The following TRPM6 variants were observed in gnomAD, a reference collection of about 807,000 sequenced individuals.
TRPM6 encodes the protein channel kinase 2.
TRPM6 carries 111 observed loss-of-function variants against 247.6 expected under a neutral mutation model. That is an observed-to-expected ratio of 0.45 (90% CI 0.38 to 0.52). The LOEUF (loss-of-function observed/expected upper bound fraction) is 0.52. Ranked by LOEUF, TRPM6 falls within the 20% of genes least tolerant of loss-of-function variation. The pLI, the probability that TRPM6 is intolerant of heterozygous loss-of-function variation, is 0.00. For synonymous variants in TRPM6, 892 were observed against 853.8 expected, an observed-to-expected ratio of 1.04 and a Z score of -0.78; for missense variants, 2,126 against 2,421.5, an observed-to-expected ratio of 0.88 and a Z score of 2.56.
intron 35 of TRPM6, 150 bp from the exon 36 acceptor site, chr9:74,738,762 G>A (rs1803751309): frequency 4.0e-6 from 3 of 752,270 alleles, no homozygotes; most frequent in Middle Eastern, 6.5e-4. Context: ...GAAGGGATAG[G>A]ATGCAAATAT....
At chr9:74,746,230 C>T (rs1442745959) in intron 31 of TRPM6, among the ~76,000 whole-genome samples, 1 of 147,314 alleles carries the variant, frequency 6.8e-6, no homozygotes, top group Non-Finnish European at 1.5e-5. Flanking sequence ...CAAAGTGAGA[C>T]TCCATCTCAA....
intron 1 of TRPM6, among the ~76,000 whole-genome samples, chr9:74,884,504 TATAC>T (rs4013871): frequency 0.039 from 5,756 of 148,056 alleles, 188 homozygotes; most frequent in African/African-American, 0.084. Context: ...TAAATACATA[TATAC>T]ATACATACAT....
At chr9:74,862,258 C>T (rs1336322562) in intron 1 of TRPM6, among the ~76,000 whole-genome samples, 1 of 152,144 alleles carries the variant, frequency 6.6e-6, no homozygotes, top group Admixed American at 6.5e-5. Context: ...CAACAGAGAA[C>T]CAAATGTTTG....
In TRPM6 at chr9:74,808,003, A is replaced by G. The variant is rs201920126; in HGVS notation, c.1638+31T>C. 10 of 1,613,204 alleles carry G rather than the reference A, an allele frequency of 6.2e-6. No individual in the cohort carries two copies. In the African/African-American group the frequency reaches 9.3e-5, roughly 15 times the overall value. ...AAACAACAATTCCTAATCATTCTCA[A>G]TTTTACTTGGGCACTTTTCAATTAC... is the stretch of plus-strand genomic sequence containing the variant. On this transcript the variant is annotated intron_variant, in intron 14 of 38. Coordinates refer to ENST00000360774, the MANE Select transcript of TRPM6 (RefSeq NM_017662.5).
rs566430125 is a variant in TRPM6, at chr9:74,854,163, C to G, written c.152+1364G>C. On this transcript the variant is annotated intron_variant, in intron 3 of 38. Transcript: ENST00000360774. ...ACTCGTATTAGGACATTTGGCTCTC[C>G]CTATCAAAAAAATAAAACTAGTCTC... Among the ~76,000 whole-genome samples the G allele has an allele frequency of 8.5e-5, 13 of 152,114 alleles. No individual in the cohort carries two copies. The South Asian group carries it at 2.7e-3, about 32-fold the overall frequency.
In TRPM6 at chr9:74,858,656, T is replaced by C; in HGVS notation, c.113+13A>G. ...TGTTGCTTTTAAAAGAAGAAGGTAA[T>C]TGAAAATTTTACCTGTGAGGATTTT... is the stretch of plus-strand genomic sequence containing the variant. On this transcript the variant is annotated intron_variant, in intron 2 of 38. Transcript: ENST00000360774. 1 of 1,590,106 alleles carries C rather than the reference T, an allele frequency of 6.3e-7. No homozygotes were observed. Among genetic ancestry groups the C allele is most frequent in the South Asian group, 1.1e-5 (1 of 89,974 alleles).
intron 2 of TRPM6, chr9:74,857,780 A>T (rs1830571850): frequency 6.6e-6 from 1 of 152,254 alleles, no homozygotes; most frequent in Non-Finnish European, 1.5e-5. Context: ...TTCCATAAAA[A>T]TAAAGTCTAT....
intron 14 of TRPM6, among the ~76,000 whole-genome samples, chr9:74,805,806 G>T (rs528549057): frequency 6.6e-6 from 1 of 152,142 alleles, no homozygotes; most frequent in African/African-American, 2.4e-5. Context: ...AAAAAAAAGT[G>T]CCTGCCTATT....
chr9:74,752,536 T>C (rs1826284979), intron 28 of TRPM6, among the ~76,000 whole-genome samples, 168 bp from the exon 29 acceptor site: 1 of 152,186 alleles, frequency 6.6e-6, no homozygotes. Context: ...CCTTTTTTTC[T>C]CAAGAGGTTG....
intron 7 of TRPM6, among the ~76,000 whole-genome samples, chr9:74,822,682 T>C (rs1229966653): frequency 6.6e-6 from 1 of 152,130 alleles, no homozygotes; most frequent in Non-Finnish European, 1.5e-5. Context: ...TATTACCTTT[T>C]TTTCTTGCAG....
intron 38 of TRPM6, among the ~76,000 whole-genome samples, chr9:74,725,018 G>C (rs1356700750): frequency 1.3e-5 from 2 of 152,198 alleles, no homozygotes; most frequent in African/African-American, 4.8e-5. Context: ...TGCCCTATAA[G>C]GCATAATCTG....
chr9:74,733,189 T>G (rs1431620311), intron 36 of TRPM6, among the ~76,000 whole-genome samples: 3 of 151,490 alleles, frequency 2.0e-5, no homozygotes, highest in Admixed American at 1.3e-4. Flanking sequence ...GCAACAGAGC[T>G]TAACTCTATC....
In TRPM6 at chr9:74,812,193, T is replaced by A. The variant is rs539154122; in HGVS notation, c.1443+106A>T. 4.3e-5 allele frequency: 63 copies of A among 1,469,366 alleles called. No individual in the cohort carries two copies. The East Asian group carries it at 1.4e-3, about 32-fold the overall frequency. 91.0% of individuals were successfully genotyped at this position (1,469,366 alleles called of 1,614,324 possible). A position where few individuals can be genotyped will look rare whatever the true frequency, so the allele number is the denominator to read the frequency against. ...TCAGATAATAGGGAAGTCCAGCTAC[T>A]TCTAATTTCCTCAGATAAGGAGTTT... On this transcript the variant is annotated intron_variant, in intron 12 of 38. Coordinates refer to ENST00000360774, the MANE Select transcript of TRPM6 (RefSeq NM_017662.5).
chr9:74,771,499 C>T (rs1827040028), intron 25 of TRPM6, among the ~76,000 whole-genome samples: 1 of 152,168 alleles, frequency 6.6e-6, no homozygotes, highest in Non-Finnish European at 1.5e-5. Flanking sequence ...ACCACTTATT[C>T]CTAGTAACTA....
chr9:74,741,115 A>G (rs1825850051), intron 33 of TRPM6, among the ~76,000 whole-genome samples: 1 of 152,110 alleles, frequency 6.6e-6, no homozygotes, highest in South Asian at 2.1e-4. Context: ...TACAAACTCA[A>G]TCCCACTTAA....
At chr9:74,854,662 T>C (rs1175544729) in intron 3 of TRPM6, among the ~76,000 whole-genome samples, 1 of 152,108 alleles carries the variant, frequency 6.6e-6, no homozygotes, top group East Asian at 1.9e-4. Flanking sequence ...CAATTTTTTA[T>C]TTTATTTTAT....
chr9:74,849,137 G>A (rs553654106), intron 3 of TRPM6, among the ~76,000 whole-genome samples: 1 of 152,268 alleles, frequency 6.6e-6, no homozygotes, highest in East Asian at 1.9e-4. Context: ...ATCACCTGAG[G>A]TCAGGAGTTC....
chr9:74,792,039 G>A (rs563898578), intron 19 of TRPM6, among the ~76,000 whole-genome samples: 95 of 152,298 alleles, frequency 6.2e-4, no homozygotes, highest in African/African-American at 2.1e-3. Flanking sequence ...TTACAGGCGT[G>A]AGCCACCACG....
intron 23 of TRPM6, among the ~76,000 whole-genome samples, chr9:74,779,930 T>C (rs1418760356): frequency 6.6e-6 from 1 of 152,240 alleles, no homozygotes; most frequent in African/African-American, 2.4e-5. Context: ...TCCCAGCACT[T>C]TGGGAGGCCA....
Sources: allele counts gnomAD v4.1 joint callset (sites outside exome capture counted in the v4.1 genomes callset), GRCh38; gene constraint gnomAD v4.1.1; transcripts MANE v1.5; gene names NCBI Gene and HGNC (gene_info 2026-07-23, HGNC 2026-07-21).